NAALADL2: variants seen among roughly 807,000 people sequenced by gnomAD.
The protein encoded by NAALADL2 is N-acetylated alpha-linked acidic dipeptidase like 2.
A neutral mutation model predicts 87.2 loss-of-function variants in NAALADL2; 76 were observed. The ratio of observed to expected loss-of-function variants is 0.87; its 90% CI spans 0.72 to 1.05. The LOEUF is 1.05. Among genes scored for constraint, NAALADL2 ranks in the 50% least tolerant of loss-of-function variants. NAALADL2 has a pLI of 0.00. For synonymous variants in NAALADL2, 354 were observed against 331.0 expected, an observed-to-expected ratio of 1.07 and a Z score of -0.75; for missense variants, 1,089 against 945.8, an observed-to-expected ratio of 1.15 and a Z score of -1.99.
intron 2 of NAALADL2, among the ~76,000 whole-genome samples, chr3:174,575,845 T>G (rs1015074869): frequency 4.6e-5 from 7 of 152,094 alleles, no homozygotes; most frequent in African/African-American, 1.7e-4. Flanking sequence ...AGCCAGGCAT[T>G]GAGTATATAT....
At chr3:175,527,592 G>T (rs1044107870) in intron 9 of NAALADL2, among the ~76,000 whole-genome samples, 1 of 152,076 alleles carries the variant, frequency 6.6e-6, no homozygotes, top group Non-Finnish European at 1.5e-5. Flanking sequence ...AAATCGCTGA[G>T]TTAGAAAAGG....
At chr3:175,444,014 C>T (rs2149212079) in intron 5 of NAALADL2, among the ~76,000 whole-genome samples, 1 of 152,218 alleles carries the variant, frequency 6.6e-6, no homozygotes, top group Non-Finnish European at 1.5e-5. Flanking sequence ...TAAGCAAAAA[C>T]ATGGGGGACG....
At chr3:174,682,222 G>T (rs1727611741) in intron 2 of NAALADL2, among the ~76,000 whole-genome samples, 1 of 152,180 alleles carries the variant, frequency 6.6e-6, no homozygotes, top group African/African-American at 2.4e-5. Context: ...TGGCTTGGGT[G>T]CAAGCTCAGC....
intron 1 of NAALADL2, among the ~76,000 whole-genome samples, chr3:174,898,439 G>T (rs1731888650): frequency 6.6e-6 from 1 of 151,816 alleles, no homozygotes; most frequent in South Asian, 2.1e-4. Context: ...CTATTTGATA[G>T]CACAACAGGG....
intron 2 of NAALADL2, among the ~76,000 whole-genome samples, chr3:175,099,137 C>G (rs1381130): frequency 4.6e-5 from 7 of 151,826 alleles, no homozygotes; most frequent in Non-Finnish European, 8.8e-5. Context: ...TTTTCAGCAC[C>G]GTAGTCATCT....
At chr3:174,474,940 T>C (rs999916416) in intron 1 of NAALADL2, among the ~76,000 whole-genome samples, 1 of 152,072 alleles carries the variant, frequency 6.6e-6, no homozygotes, top group African/African-American at 2.4e-5. Flanking sequence ...TAATCTGATA[T>C]AGACATTGCC....
At chr3:175,409,276 CT>C in intron 5 of NAALADL2, among the ~76,000 whole-genome samples, 1 of 140,490 alleles carries the variant, frequency 7.1e-6, no homozygotes, top group African/African-American at 3.0e-5. Context: ...TTACTTGTTA[CT>C]TTAAAAAAAA....
At chr3:175,333,101 G>T (rs1474657718) in intron 5 of NAALADL2, among the ~76,000 whole-genome samples, 1 of 152,198 alleles carries the variant, frequency 6.6e-6, no homozygotes, top group Non-Finnish European at 1.5e-5. Context: ...CAGTGGGCAT[G>T]GTGTGGACAA....
At chr3:175,027,058 G>C (rs1752308111) in intron 1 of NAALADL2, among the ~76,000 whole-genome samples, 1 of 152,092 alleles carries the variant, frequency 6.6e-6, no homozygotes, top group African/African-American at 2.4e-5. Flanking sequence ...GAATGATTCA[G>C]AGGGGTTGGA....
chr3:175,008,420 T>G (rs928650489), intron 1 of NAALADL2, among the ~76,000 whole-genome samples: 8 of 152,110 alleles, frequency 5.3e-5, no homozygotes. Flanking sequence ...TTTCTGGAGT[T>G]TTCCATTTAA....
In NAALADL2 at chr3:175,361,436, C is replaced by T. The variant is rs181915152; in HGVS notation, c.1090+37111C>T. Among the ~76,000 whole-genome samples, 571 of 148,184 alleles carry T rather than the reference C, an allele frequency of 3.9e-3. 29 individuals are homozygous for T. The highest frequency in any genetic ancestry group is 0.013 in the African/African-American group (541 of 40,866). ...TTCTAGTTCTAGATCCTTGAGGAATCGCCACACTGACTTCCACAATGGTTG... is the reference window on the plus strand; with the variant it reads ...TTCTAGTTCTAGATCCTTGAGGAATTGCCACACTGACTTCCACAATGGTTG... On this transcript the variant is annotated intron_variant, in intron 5 of 13. Coordinates refer to ENST00000454872, the MANE Select transcript of NAALADL2 (RefSeq NM_207015.3).
chr3:174,963,400 A>G (rs992578679), intron 1 of NAALADL2, among the ~76,000 whole-genome samples: 4 of 152,176 alleles, frequency 2.6e-5, no homozygotes, highest in African/African-American at 9.7e-5. Flanking sequence ...GATTGTCTGA[A>G]TGTTTTATCA....
intron 1 of NAALADL2, among the ~76,000 whole-genome samples, chr3:174,925,555 C>A (rs1322671951): frequency 1.3e-5 from 2 of 152,132 alleles, no homozygotes; most frequent in Non-Finnish European, 2.9e-5. Flanking sequence ...GCTATGCGGG[C>A]TCTTTTTTGG....
At chr3:174,644,565 G>A (rs1359400065) in intron 2 of NAALADL2, among the ~76,000 whole-genome samples, 1 of 151,940 alleles carries the variant, frequency 6.6e-6, no homozygotes, top group Non-Finnish European at 1.5e-5. Flanking sequence ...TTAAACCCAG[G>A]AGCCATGCAG....
In NAALADL2 at chr3:175,490,912, A is replaced by C. The variant is rs555750301; in HGVS notation, c.1653+19154A>C. Among the ~76,000 whole-genome samples the C allele has an allele frequency of 1.9e-3, 289 of 152,304 alleles. 1 individual carries two copies. Among genetic ancestry groups the C allele is most frequent in the Middle Eastern group, 6.8e-3 (2 of 294 alleles). On this transcript the variant is annotated intron_variant, in intron 9 of 13. Transcript: ENST00000454872. ...TTAGGAATTCAAACCAAGACTATGC[A>C]CTTGAGGTACGAGATTTTAGAAAAT...
chr3:175,396,811 T>C (rs1027148437), intron 5 of NAALADL2, among the ~76,000 whole-genome samples: 1 of 152,076 alleles, frequency 6.6e-6, no homozygotes, highest in Non-Finnish European at 1.5e-5. Context: ...CCCCACCACC[T>C]TCACTCTGTG....
chr3:174,642,936 C>T (rs1184889828), intron 2 of NAALADL2, among the ~76,000 whole-genome samples: 2 of 151,884 alleles, frequency 1.3e-5, no homozygotes, highest in African/African-American at 2.4e-5. Flanking sequence ...GCACATGCTA[C>T]GACACCAAGT....
chr3:175,471,613 A>T, intron 8 of NAALADL2, 26 bp from the exon 9 acceptor site: 1 of 1,185,474 alleles, frequency 8.4e-7, no homozygotes, highest in Non-Finnish European at 1.2e-6. Context: ...TCTTACAGAT[A>T]GATCCTTTTT....
At chr3:174,905,793 G>C (rs1310253670) in intron 1 of NAALADL2, among the ~76,000 whole-genome samples, 1 of 152,008 alleles carries the variant, frequency 6.6e-6, no homozygotes, top group Non-Finnish European at 1.5e-5. Context: ...ACTTCTGAGA[G>C]AGGCCATCTA....
Sources: allele counts gnomAD v4.1 joint callset (sites outside exome capture counted in the v4.1 genomes callset), GRCh38; gene constraint gnomAD v4.1.1; transcripts MANE v1.5; gene names NCBI Gene and HGNC (gene_info 2026-07-23, HGNC 2026-07-21).